The following ANKIB1 variants were observed in gnomAD, a reference collection of about 807,000 sequenced individuals.
The protein encoded by ANKIB1 is ankyrin repeat and IBR domain containing 1.
In ANKIB1, 43 loss-of-function variants were observed where a neutral mutation model predicts 122.1. That is an observed-to-expected ratio of 0.35 (90% CI 0.28 to 0.45). The LOEUF is 0.45. ANKIB1 is among the 20% of genes least tolerant of loss of function. ANKIB1 has a pLI of 1.00. For missense variants in ANKIB1, 992 were observed against 1,329.5 expected, an observed-to-expected ratio of 0.75 and a Z score of 3.95; for synonymous variants, 390 against 442.0, an observed-to-expected ratio of 0.88 and a Z score of 1.48.
intron 3 of ANKIB1, among the ~76,000 whole-genome samples, chr7:92,318,830 C>A: frequency 6.6e-6 from 1 of 152,192 alleles, no homozygotes. Flanking sequence ...AACAGCTTTA[C>A]CTCAGTGACT....
At chr7:92,269,675 G>T (rs1801742032) in intron 1 of ANKIB1, among the ~76,000 whole-genome samples, 3 of 152,094 alleles carry the variant, frequency 2.0e-5, no homozygotes, top group African/African-American at 4.8e-5. Context: ...CTTCCAAGGG[G>T]TTAGCAGGCA....
Position 92,400,274 on chromosome 7 carries a change from T to C in ANKIB1, c.*1325T>C, listed in dbSNP as rs1804988740. On this transcript the variant is annotated 3_prime_UTR_variant, in exon 20 of 20. Transcript: ENST00000265742. ...CTGTTTAGTGTTGAAAAAAATCAAC[T>C]TCCTAGTTATCAGTGTCTTACTGTG... 6.6e-6 allele frequency: 1 copy of C among 152,242 alleles called. No individual in the cohort carries two copies. Among genetic ancestry groups the C allele is most frequent in the African/African-American group, 2.4e-5 (1 of 41,462 alleles). The allele number at this position is 152,242 out of a possible 1,614,324, so 9.4% of individuals were successfully genotyped here.
chr7:92,367,792 A>G (rs1206756426), intron 10 of ANKIB1, among the ~76,000 whole-genome samples: 1 of 152,266 alleles, frequency 6.6e-6, no homozygotes, highest in Non-Finnish European at 1.5e-5. Flanking sequence ...TGGTTAATTT[A>G]TAAATTTTTC....
intron 9 of ANKIB1, among the ~76,000 whole-genome samples, chr7:92,355,619 G>A (rs1355991221): frequency 1.3e-5 from 2 of 152,098 alleles, no homozygotes; most frequent in African/African-American, 2.4e-5. Context: ...GGAGGCCGAG[G>A]CAGGGGGATC....
intron 1 of ANKIB1, among the ~76,000 whole-genome samples, 186 bp downstream of exon 1, chr7:92,246,705 C>A (rs1801064489): frequency 6.6e-6 from 1 of 152,208 alleles, no homozygotes; most frequent in Non-Finnish European, 1.5e-5. Flanking sequence ...CCCTACAGGG[C>A]TTTTCTCCCA....
At chr7:92,261,087 C>T (rs559529046) in intron 1 of ANKIB1, among the ~76,000 whole-genome samples, 84 of 152,184 alleles carry the variant, frequency 5.5e-4, no homozygotes, top group African/African-American at 1.8e-3. Context: ...CGGTGGCTCA[C>T]GCCTGTAATC....
At chr7:92,264,566 T>C (rs1272958312) in intron 1 of ANKIB1, among the ~76,000 whole-genome samples, 1 of 151,606 alleles carries the variant, frequency 6.6e-6, no homozygotes, top group African/African-American at 2.4e-5. Context: ...CTTGACTAAT[T>C]TTTTTTTCTT....
At chr7:92,268,519 C>G (rs746493697) in intron 1 of ANKIB1, among the ~76,000 whole-genome samples, 7 of 152,176 alleles carry the variant, frequency 4.6e-5, no homozygotes, top group Non-Finnish European at 8.8e-5. Context: ...ACTCTGTCGC[C>G]CAGGCTGGAG....
chr7:92,378,899 A>T (rs1804447008), intron 11 of ANKIB1, among the ~76,000 whole-genome samples: 1 of 152,208 alleles, frequency 6.6e-6, no homozygotes, highest in Non-Finnish European at 1.5e-5. Flanking sequence ...AACAGTCAAC[A>T]ACCTTCATGT....
chr7:92,257,899 A>G (rs1275202424), intron 1 of ANKIB1, among the ~76,000 whole-genome samples: 4 of 152,220 alleles, frequency 2.6e-5, no homozygotes, highest in Non-Finnish European at 5.9e-5. Context: ...AAAGATGGCT[A>G]ATTTATTCTT....
At chr7:92,392,384 A>G in intron 17 of ANKIB1, 92 bp downstream of exon 17, 1 of 1,157,768 alleles carries the variant, frequency 8.6e-7, no homozygotes, top group Non-Finnish European at 1.2e-6. Context: ...TCCTTCTGAG[A>G]TTATCAGCAG....
At chr7:92,323,297 T>C (rs1168405216) in intron 4 of ANKIB1, among the ~76,000 whole-genome samples, 1 of 152,182 alleles carries the variant, frequency 6.6e-6, no homozygotes, top group Non-Finnish European at 1.5e-5. Context: ...AGTGTTATTA[T>C]TTACCCAGTT....
chr7:92,358,545 T>C (rs1803874001), intron 9 of ANKIB1, among the ~76,000 whole-genome samples: 1 of 151,698 alleles, frequency 6.6e-6, no homozygotes, highest in Admixed American at 6.6e-5. Context: ...TGGCTTTTTT[T>C]TTTTTTCAGA....
chr7:92,316,287 A>G (rs929171), intron 3 of ANKIB1, among the ~76,000 whole-genome samples: 14,557 of 152,224 alleles, frequency 0.096, 914 homozygotes, highest in East Asian at 0.36. Flanking sequence ...ATAACTTTCT[A>G]TTTTGTCAAA....
intron 1 of ANKIB1, 126 bp from the exon 2 acceptor site, chr7:92,294,763 A>G (rs1234868597): frequency 2.3e-6 from 1 of 435,118 alleles, no homozygotes; most frequent in Non-Finnish European, 4.0e-6. Context: ...TAAATTTGGT[A>G]AAATGTAATA....
chr7:92,332,674 T>C (rs192558133), intron 5 of ANKIB1, among the ~76,000 whole-genome samples: 306 of 152,342 alleles, frequency 2.0e-3, no homozygotes, highest in African/African-American at 6.9e-3. Flanking sequence ...AGCATTATTT[T>C]TAACTCCTTT....
At chr7:92,317,639 G>C (rs1802819381) in intron 3 of ANKIB1, among the ~76,000 whole-genome samples, 1 of 152,186 alleles carries the variant, frequency 6.6e-6, no homozygotes, top group Admixed American at 6.5e-5. Flanking sequence ...AGAGCAAGAA[G>C]CTAAAGTCAA....
chr7:92,324,590 A>G (rs967103530), intron 4 of ANKIB1, among the ~76,000 whole-genome samples: 1 of 152,068 alleles, frequency 6.6e-6, no homozygotes, highest in Non-Finnish European at 1.5e-5. Context: ...TGTACCTTCT[A>G]CTTTGACCCT....
At chr7:92,358,748 T>A (rs1215005568) in intron 9 of ANKIB1, among the ~76,000 whole-genome samples, 1 of 150,980 alleles carries the variant, frequency 6.6e-6, no homozygotes, top group African/African-American at 2.4e-5. Flanking sequence ...AGAAATAATT[T>A]ATTTCATTGA....
Sources: allele counts gnomAD v4.1 joint callset (sites outside exome capture counted in the v4.1 genomes callset), GRCh38; gene constraint gnomAD v4.1.1; transcripts MANE v1.5; gene names NCBI Gene and HGNC (gene_info 2026-07-23, HGNC 2026-07-21).